Variants in SLC45A4 observed in about 807,000 individuals in gnomAD.
SLC45A4 encodes the protein solute carrier family 45 member 4.
SLC45A4 carries 32 observed loss-of-function variants against 63.7 expected under a neutral mutation model. The observed-to-expected ratio is 0.50, with a 90% CI of 0.38 to 0.67. The LOEUF (loss-of-function observed/expected upper bound fraction) is 0.67. SLC45A4 is among the 30% of genes least tolerant of loss of function. The probability of loss-of-function intolerance (pLI) is 0.00; values close to 1 mark genes in which losing one functional copy is unlikely to be tolerated. For missense variants in SLC45A4, 1,027 were observed against 1,157.7 expected, an observed-to-expected ratio of 0.89 and a Z score of 1.64; for synonymous variants, 535 against 510.0, an observed-to-expected ratio of 1.05 and a Z score of -0.66.
At chr8:141,274,302 G>A (rs1301905236) in intron 1 of SLC45A4, among the ~76,000 whole-genome samples, 8 of 152,108 alleles carry the variant, frequency 5.3e-5, no homozygotes, top group Non-Finnish European at 1.5e-5. Flanking sequence ...GGGAGGCTGA[G>A]GCGGGTGGAT....
chr8:141,234,349 A>C (rs1827513039), intron 2 of SLC45A4, among the ~76,000 whole-genome samples: 2 of 152,204 alleles, frequency 1.3e-5, no homozygotes, highest in African/African-American at 4.8e-5. Flanking sequence ...TCGTGGGCCT[A>C]GCTTGGGCTC....
chr8:141,256,395 C>A lies in SLC45A4; in HGVS notation c.-400-1766G>T, dbSNP rs374355318. 2 of 358,154 alleles carry A rather than the reference C, an allele frequency of 5.6e-6. No homozygotes were observed. The highest frequency in any genetic ancestry group is 1.1e-5 in the Non-Finnish European group (2 of 179,042). The allele number at this position is 358,154 out of a possible 1,614,324, so 22.2% of individuals were successfully genotyped here. ...AAAAATATTTCTCATTACTTTCCAC[C>A]GAACCAAAGGTGGTCTTAATTAGCT... On this transcript the variant is annotated intron_variant, in intron 1 of 8. Transcript: ENST00000517878. The surrounding 1 kb of genome is among the most constrained non-coding windows in gnomAD (Gnocchi z 4.3).
At chr8:141,263,592 A>G (rs1416667637) in intron 1 of SLC45A4, among the ~76,000 whole-genome samples, 1 of 149,946 alleles carries the variant, frequency 6.7e-6, no homozygotes, top group Non-Finnish European at 1.5e-5. Flanking sequence ...GTGAAACCCC[A>G]TCTCTACTTA....
rs1045456979 is a variant in SLC45A4, at chr8:141,254,717, C to T, written c.-400-88G>A. 17 of 687,824 alleles carry T rather than the reference C, an allele frequency of 2.5e-5. No homozygotes were observed. Among genetic ancestry groups the T allele is most frequent in the Admixed American group, 6.1e-5 (3 of 49,422 alleles). The allele number at this position is 687,824 out of a possible 1,614,324, so 42.6% of individuals were successfully genotyped here. A position where few individuals can be genotyped will look rare whatever the true frequency, so the allele number is the denominator to read the frequency against. On this transcript the variant is annotated intron_variant, in intron 1 of 8. Transcript: ENST00000517878. This position sits in a 1 kb window ranked among gnomAD's most constrained non-coding sequence, Gnocchi z 4.5. ...ACCGCCGCCCGACCCCCGAGCAAGC[C>T]GTGTGCCCCGAGGGCCCGACCCAAG...
At chr8:141,277,897 C>T (rs1003578764) in intron 1 of SLC45A4, among the ~76,000 whole-genome samples, 6 of 152,148 alleles carry the variant, frequency 3.9e-5, no homozygotes, top group Admixed American at 3.9e-4. Flanking sequence ...CTGCTTCAGC[C>T]TCACAAAGTG....
rs754298740 is a variant in SLC45A4, at chr8:141,219,788, T to C, written c.472A>G (p.Ile158Val). 9.4e-6 allele frequency: 15 copies of C among 1,597,482 alleles called. 1 individual carries two copies. The South Asian group carries it at 1.7e-4, about 18-fold the overall frequency. Residue 158 changes from isoleucine to valine, a missense_variant, in exon 4 of 9, where the codon ATC (isoleucine) becomes GTC (valine). Physicochemically the swap from Ile to Val is conservative, Grantham distance 29 (BLOSUM62 3). Coordinates refer to ENST00000517878, the MANE Select transcript of SLC45A4 (RefSeq NM_001286646.2). ...GDVPNRQPIG[I>V]VLTVLGVVVL... ...ACCACTCCCAGCACCGTGAGCACGA[T>C]GCCAATGGGCTGCCGGTTGGGGACA...
rs1271216557 is a variant in SLC45A4, at chr8:141,254,226, T to G, written c.4A>C (p.Lys2Gln). 2.0e-6 allele frequency: 3 copies of G among 1,531,234 alleles called. No individual in the cohort carries two copies. Among genetic ancestry groups the G allele is most frequent in the African/African-American group, 2.7e-5 (2 of 72,770 alleles). 94.9% of individuals were successfully genotyped at this position (1,531,234 alleles called of 1,614,324 possible). A position where few individuals can be genotyped will look rare whatever the true frequency, so the allele number is the denominator to read the frequency against. MKMAPQNADPES... is the reference protein window; with the variant it reads MQMAPQNADPES... ...GGGTCGGCATTCTGCGGAGCCATTT[T>G]CATTACCACCAAAAATATATGTATT... Residue 2 changes from lysine (K) to glutamine (Q), a missense_variant, in exon 2 of 9, where the codon AAA (lysine) becomes CAA (glutamine). Physicochemically the swap from Lys to Gln is moderately conservative, Grantham distance 53. Coordinates refer to ENST00000517878, the MANE Select transcript of SLC45A4 (RefSeq NM_001286646.2). This position sits in a 1 kb window ranked among gnomAD's most constrained non-coding sequence, Gnocchi z 4.5.
chr8:141,214,814 C>T (rs964829914), intron 7 of SLC45A4, among the ~76,000 whole-genome samples: 2 of 152,060 alleles, frequency 1.3e-5, no homozygotes, highest in Non-Finnish European at 2.9e-5. Flanking sequence ...CACAGAGGGG[C>T]GGGGAGCAGT....
intron 1 of SLC45A4, among the ~76,000 whole-genome samples, chr8:141,290,332 G>A (rs1343962233): frequency 2.6e-5 from 4 of 151,934 alleles, no homozygotes; most frequent in Non-Finnish European, 5.9e-5. Flanking sequence ...CTCCAAGCCC[G>A]GCCCTCCCAC....
chr8:141,212,605 C>T (rs770670211), intron 7 of SLC45A4, 49 bp from the exon 8 acceptor site: 1 of 1,534,246 alleles, frequency 6.5e-7, no homozygotes, highest in South Asian at 1.2e-5. Context: ...AAGGTGGCTG[C>T]TACCCGTGCT....
In SLC45A4 at chr8:141,217,887, C is replaced by A. The variant is rs1589762748; in HGVS notation, c.1629+124G>T. 12 of 1,216,120 alleles carry A rather than the reference C, an allele frequency of 9.9e-6. 1 individual carries two copies. In the East Asian group the frequency reaches 3.1e-4, roughly 31 times the overall value. The allele number at this position is 1,216,120 out of a possible 1,614,324, so 75.3% of individuals were successfully genotyped here. Reference sequence around the variant, plus strand: ...GCGGGTCCCTCACCTGCACGGGAGGCACTGTGTGGCCTCCCTGACACGCGT... The same window carrying A: ...GCGGGTCCCTCACCTGCACGGGAGGAACTGTGTGGCCTCCCTGACACGCGT... On this transcript the variant is annotated intron_variant, in intron 5 of 8. Coordinates refer to ENST00000517878, the MANE Select transcript of SLC45A4 (RefSeq NM_001286646.2).
chr8:141,288,507 G>A (rs1467526559), intron 1 of SLC45A4, among the ~76,000 whole-genome samples: 2 of 152,248 alleles, frequency 1.3e-5, no homozygotes, highest in Admixed American at 1.3e-4. Flanking sequence ...GACCGCTCAT[G>A]AGAAGCACAC....
chr8:141,257,567 G>A (rs1056141967), intron 1 of SLC45A4, among the ~76,000 whole-genome samples: 2 of 152,192 alleles, frequency 1.3e-5, no homozygotes, highest in South Asian at 2.1e-4. Context: ...AAGTGAAGCC[G>A]TCTCTGTTCC....
At chr8:141,292,145 G>A (rs1830371085) in intron 1 of SLC45A4, among the ~76,000 whole-genome samples, 2 of 152,240 alleles carry the variant, frequency 1.3e-5, no homozygotes, top group South Asian at 4.1e-4. Flanking sequence ...CCTCGAAGCT[G>A]CACACGGCAG....
Position 141,217,108 on chromosome 8 carries a change from T to G in SLC45A4, c.1711A>C (p.Thr571Pro). Residue 571 changes from threonine (T) to proline (P), a missense_variant, in exon 6 of 9, where the codon ACT (threonine) becomes CCT (proline). Transcript: ENST00000517878. ...CTCTTACCTGAACAAATAGCACCAG[T>G]GGCGGCATAAATGACCAGGCCCCAG... The part of the protein sequence containing the change: ...GCWGLVIYAA[T>P]GAICSALLQK... 1 of 1,613,956 alleles carries G rather than the reference T, an allele frequency of 6.2e-7. No individual in the cohort carries two copies. The highest frequency in any genetic ancestry group is 8.5e-7 in the Non-Finnish European group (1 of 1,179,980).
At chr8:141,248,338 C>G (rs930368155) in intron 2 of SLC45A4, among the ~76,000 whole-genome samples, 1 of 152,204 alleles carries the variant, frequency 6.6e-6, no homozygotes, top group Non-Finnish European at 1.5e-5. Context: ...GGGACTCAGG[C>G]AGGAGGATCA....
At chr8:141,250,798 C>CT (rs1718389853) in intron 2 of SLC45A4, among the ~76,000 whole-genome samples, 1 of 152,178 alleles carries the variant, frequency 6.6e-6, no homozygotes. Flanking sequence ...TTTACTGGGA[C>CT]ATACCCCCGT....
At chr8:141,273,770 T>C (rs1008746715) in intron 1 of SLC45A4, among the ~76,000 whole-genome samples, 25 of 151,874 alleles carry the variant, frequency 1.6e-4, no homozygotes, top group Admixed American at 3.3e-4. Flanking sequence ...GAAAAGAACA[T>C]AGTGAACGTC....
At chr8:141,239,336 T>C (rs1827787036) in intron 2 of SLC45A4, among the ~76,000 whole-genome samples, 1 of 152,174 alleles carries the variant, frequency 6.6e-6, no homozygotes, top group South Asian at 2.1e-4. Context: ...ACTGAACCCC[T>C]TTCAGAGTGT....
Sources: allele counts gnomAD v4.1 joint callset (sites outside exome capture counted in the v4.1 genomes callset), GRCh38; gene constraint gnomAD v4.1.1; non-coding constraint Gnocchi (gnomAD v3.1); transcripts MANE v1.5; gene names NCBI Gene and HGNC (gene_info 2026-07-23, HGNC 2026-07-21).